The following SCAPER variants were observed in gnomAD, a reference collection of about 807,000 sequenced individuals.
SCAPER encodes S phase cyclin A-associated protein in the endoplasmic reticulum.
In SCAPER, 98 loss-of-function variants were observed where a neutral mutation model predicts 182.2. The observed-to-expected ratio is 0.54, with a 90% confidence interval of 0.46 to 0.64. The LOEUF is 0.64. Ranked by LOEUF, SCAPER falls within the 30% of genes least tolerant of loss-of-function variation. The probability of loss-of-function intolerance (pLI) is 0.00; values close to 1 mark genes in which losing one functional copy is unlikely to be tolerated. For missense variants in SCAPER, 1,432 were observed against 1,690.0 expected, an observed-to-expected ratio of 0.85 and a Z score of 2.68; for synonymous variants, 605 against 564.6, an observed-to-expected ratio of 1.07 and a Z score of -1.01.
chr15:76,511,202 A>C (rs1299881797), intron 23 of SCAPER, among the ~76,000 whole-genome samples: 3 of 152,210 alleles, frequency 2.0e-5, no homozygotes, highest in African/African-American at 7.2e-5. Context: ...TCACCACTTA[A>C]GAACTTACTC....
chr15:76,499,729 T>C (rs1447462079), intron 24 of SCAPER, among the ~76,000 whole-genome samples: 2 of 152,126 alleles, frequency 1.3e-5, no homozygotes, highest in African/African-American at 4.8e-5. Flanking sequence ...AAGACACAAA[T>C]GTTCTACAGA....
intron 26 of SCAPER, among the ~76,000 whole-genome samples, chr15:76,426,013 G>A (rs981392684): frequency 1.3e-5 from 2 of 152,230 alleles, no homozygotes; most frequent in African/African-American, 4.8e-5. Flanking sequence ...TGAGGTGTCA[G>A]TCTGCCCCTA....
intron 1 of SCAPER, among the ~76,000 whole-genome samples, chr15:76,897,664 G>C (rs866700271): frequency 6.6e-6 from 1 of 151,816 alleles, no homozygotes; most frequent in Admixed American, 6.6e-5. Flanking sequence ...CCGAGATCAC[G>C]CCACTGCACT....
intron 27 of SCAPER, among the ~76,000 whole-genome samples, chr15:76,403,981 G>A (rs1012539429): frequency 6.6e-6 from 1 of 152,124 alleles, no homozygotes; most frequent in East Asian, 1.9e-4. Context: ...AGTAGTCCCT[G>A]GCACACTGGC....
intron 21 of SCAPER, among the ~76,000 whole-genome samples, chr15:76,662,692 T>A (rs773768186): frequency 6.8e-4 from 103 of 152,128 alleles, no homozygotes; most frequent in Non-Finnish European, 5.3e-4. Flanking sequence ...TAGATTTTTT[T>A]AAATCAAGGT....
intron 24 of SCAPER, among the ~76,000 whole-genome samples, chr15:76,488,754 CT>C (rs1466324730): frequency 3.0e-5 from 2 of 66,104 alleles, no homozygotes; most frequent in South Asian, 1.4e-3. Context: ...GAGACGGAGT[CT>C]CTCTCTTTTG....
intron 5 of SCAPER, 132 bp downstream of exon 5, chr15:76,841,602 G>T (rs559613620): frequency 8.2e-6 from 7 of 856,240 alleles, no homozygotes; most frequent in South Asian, 5.5e-5. Context: ...AGCCAAGATC[G>T]CGTCACTACA....
chr15:76,388,997 C>A, intron 27 of SCAPER, among the ~76,000 whole-genome samples: 1 of 151,996 alleles, frequency 6.6e-6, no homozygotes, highest in East Asian at 1.9e-4. Flanking sequence ...GTCACAGACA[C>A]ACACACATAC....
chr15:76,799,272 C>T (rs1332393745), intron 7 of SCAPER, among the ~76,000 whole-genome samples: 1 of 148,824 alleles, frequency 6.7e-6, no homozygotes, highest in Admixed American at 6.9e-5. Context: ...AAAAGCTAAA[C>T]TATAATCTCC....
At chr15:76,630,854 A>C (rs2053041979) in intron 21 of SCAPER, among the ~76,000 whole-genome samples, 1 of 152,016 alleles carries the variant, frequency 6.6e-6, no homozygotes, top group Non-Finnish European at 1.5e-5. Flanking sequence ...CATTTTTATT[A>C]ATTTTCTGTC....
intron 20 of SCAPER, among the ~76,000 whole-genome samples, chr15:76,688,384 T>C (rs1190623551): frequency 6.6e-6 from 1 of 152,190 alleles, no homozygotes; most frequent in Non-Finnish European, 1.5e-5. Context: ...ATTCTGTAGG[T>C]TGCCTGTTTA....
At chr15:76,623,756 CA>C (rs2052319510) in intron 21 of SCAPER, among the ~76,000 whole-genome samples, 1 of 152,112 alleles carries the variant, frequency 6.6e-6, no homozygotes, top group African/African-American at 2.4e-5. Flanking sequence ...ATATGCATTT[CA>C]GAATAGCTTT....
intron 26 of SCAPER, among the ~76,000 whole-genome samples, chr15:76,427,097 C>A (rs1260054687): frequency 6.6e-6 from 1 of 152,032 alleles, no homozygotes; most frequent in African/African-American, 2.4e-5. Context: ...AAATGTAAAA[C>A]CTGAAACTAT....
intron 4 of SCAPER, among the ~76,000 whole-genome samples, chr15:76,846,526 T>TA (rs1274512171): frequency 9.9e-5 from 15 of 152,022 alleles, no homozygotes. Context: ...AAACCAATTT[T>TA]AAAATGGGCA....
At chr15:76,500,730 T>C (rs1449133743) in intron 24 of SCAPER, among the ~76,000 whole-genome samples, 1 of 152,148 alleles carries the variant, frequency 6.6e-6, no homozygotes, top group Non-Finnish European at 1.5e-5. Context: ...GTCTAAAGTT[T>C]TAAAAAGGCT....
chr15:76,477,458 G>A (rs1455122085), intron 24 of SCAPER, among the ~76,000 whole-genome samples: 1 of 152,124 alleles, frequency 6.6e-6, no homozygotes, highest in Non-Finnish European at 1.5e-5. Context: ...TACAACAGCT[G>A]CTGAACAAAT....
At chr15:76,421,720 G>A (rs1203702826) in intron 26 of SCAPER, among the ~76,000 whole-genome samples, 1 of 152,178 alleles carries the variant, frequency 6.6e-6, no homozygotes, top group African/African-American at 2.4e-5. Flanking sequence ...GAATGGTATT[G>A]CCTAGGTTTT....
At chr15:76,853,601 C>T (rs535857578) in intron 4 of SCAPER, among the ~76,000 whole-genome samples, 63 of 151,256 alleles carry the variant, frequency 4.2e-4, no homozygotes, top group African/African-American at 1.3e-3. Flanking sequence ...AAAAAGCTTT[C>T]GATATAACTC....
chr15:76,703,105 T>C (rs555457844), intron 18 of SCAPER, 103 bp from the exon 19 acceptor site: 7 of 1,287,056 alleles, frequency 5.4e-6, no homozygotes, highest in Non-Finnish European at 7.3e-6. Context: ...TAATAGAATG[T>C]CGTTTCTATG....
Sources: allele counts gnomAD v4.1 joint callset (sites outside exome capture counted in the v4.1 genomes callset), GRCh38; gene constraint gnomAD v4.1.1; transcripts MANE v1.5; gene names NCBI Gene and HGNC (gene_info 2026-07-23, HGNC 2026-07-21).